Variants in COL4A3 observed in about 807,000 individuals in gnomAD.
COL4A3 encodes collagen type IV alpha 3 chain.
A neutral mutation model predicts 217.4 loss-of-function variants in COL4A3; 135 were observed. The ratio of observed to expected loss-of-function variants is 0.62; its 90% CI spans 0.54 to 0.72. The LOEUF (loss-of-function observed/expected upper bound fraction) is 0.72, where lower values mean the gene tolerates loss of function less well. Ranked by LOEUF, COL4A3 falls within the 30% of genes least tolerant of loss-of-function variation. The pLI is 0.00. For synonymous variants in COL4A3, 690 were observed against 736.3 expected, an observed-to-expected ratio of 0.94 and a Z score of 1.02; for missense variants, 1,868 against 2,119.9, an observed-to-expected ratio of 0.88 and a Z score of 2.33.
chr2:227,276,338 C>G (rs761302761), intron 26 of COL4A3, 47 bp from the exon 27 acceptor site: 1 of 1,353,278 alleles, frequency 7.4e-7, no homozygotes, highest in Non-Finnish European at 1.1e-6. Context: ...TCGTCTAAGA[C>G]AAGCTTCAAT....
intron 9 of COL4A3, among the ~76,000 whole-genome samples, chr2:227,249,220 A>ATTTT (rs1559864975): frequency 4.0e-5 from 1 of 24,808 alleles, no homozygotes; most frequent in Non-Finnish European, 9.5e-5. Flanking sequence ...TAGTATATAT[A>ATTTT]TATATATATA....
At chr2:227,263,623 A>G (rs978254699) in intron 20 of COL4A3, among the ~76,000 whole-genome samples, 157 bp from the exon 21 acceptor site, 1 of 152,252 alleles carries the variant, frequency 6.6e-6, no homozygotes, top group Non-Finnish European at 1.5e-5. Context: ...CACAGATGAA[A>G]AAAGCAAGGA....
At chr2:227,219,972 T>G (rs1384468933) in intron 1 of COL4A3, among the ~76,000 whole-genome samples, 1 of 152,084 alleles carries the variant, frequency 6.6e-6, no homozygotes, top group African/African-American at 2.4e-5. Flanking sequence ...AAGTCCAAAT[T>G]CTGCCCCAAG....
At chr2:227,247,537 C>T (rs2069424310) in intron 7 of COL4A3, 21 bp from the exon 8 acceptor site, 1 of 1,613,554 alleles carries the variant, frequency 6.2e-7, no homozygotes, top group Non-Finnish European at 8.5e-7. Context: ...TCTAGTTGTT[C>T]ATAGGTTGCT....
At chr2:227,266,549 T>C in intron 22 of COL4A3, 40 bp downstream of exon 22, 1 of 1,453,768 alleles carries the variant, frequency 6.9e-7, no homozygotes, top group Non-Finnish European at 9.6e-7. Context: ...ATAAGCCTTT[T>C]TCATCGTCAT....
At chr2:227,257,752 A>C (rs113134103) in intron 18 of COL4A3, 108 bp downstream of exon 18, 1 of 1,017,862 alleles carries the variant, frequency 9.8e-7, no homozygotes. Flanking sequence ...AGAGATTATA[A>C]CATTTACCTT....
chr2:227,279,949 T>C (rs1322634742), intron 29 of COL4A3, 59 bp downstream of exon 29: 3 of 1,068,400 alleles, frequency 2.8e-6, no homozygotes, highest in East Asian at 2.5e-5. Flanking sequence ...ACTGGCCAGT[T>C]TGTATGCACT....
intron 1 of COL4A3, among the ~76,000 whole-genome samples, chr2:227,226,759 C>T (rs111964063): frequency 0.12 from 18,729 of 152,144 alleles, 1,289 homozygotes; most frequent in East Asian, 0.29. Flanking sequence ...CATGAGCCAC[C>T]GCACCTGGCC....
In COL4A3 at chr2:227,282,195, C is replaced by CA. The variant is rs2072010751; in HGVS notation, c.2489-169dup. On this transcript the variant is annotated intron_variant, in intron 31 of 51. Coordinates refer to ENST00000396578, the MANE Select transcript of COL4A3 (RefSeq NM_000091.5). The surrounding 1 kb of genome is among the most constrained non-coding windows in gnomAD (Gnocchi z 4.4). ...GCTGACGCAGGAGAATCACTTGAACCAGGGAGGCGGAGGGTACAGTGAGCC... is the reference window on the plus strand; with the variant it reads ...GCTGACGCAGGAGAATCACTTGAACCAAGGGAGGCGGAGGGTACAGTGAGCC... Among the ~76,000 whole-genome samples, 1 of 151,600 alleles carries CA rather than the reference C, an allele frequency of 6.6e-6. No individual in the cohort carries two copies. The highest frequency in any genetic ancestry group is 6.6e-5 in the Admixed American group (1 of 15,218).
Position 227,238,042 on chromosome 2 carries a change from T to C in COL4A3, c.144+18T>C, listed in dbSNP as rs181040690. On this transcript the variant is annotated intron_variant, in intron 2 of 51. Coordinates refer to ENST00000396578, the MANE Select transcript of COL4A3 (RefSeq NM_000091.5). ...GGGAGAAGGTAAAAACAAACCCTAA[T>C]ACTGCTTGTTTACACTGTAAAGCTC... 3.3e-6 allele frequency: 5 copies of C among 1,523,630 alleles called. No individual in the cohort carries two copies. The highest frequency in any genetic ancestry group is 4.6e-6 in the Non-Finnish European group (5 of 1,097,434). The allele number at this position is 1,523,630 out of a possible 1,614,324, so 94.4% of individuals were successfully genotyped here. A position where few individuals can be genotyped will look rare whatever the true frequency, so the allele number is the denominator to read the frequency against.
chr2:227,219,775 T>G (rs1476616164), intron 1 of COL4A3, among the ~76,000 whole-genome samples: 1 of 152,242 alleles, frequency 6.6e-6, no homozygotes, highest in Admixed American at 6.5e-5. Flanking sequence ...ATATTTTATA[T>G]AGTTAAATAA....
chr2:227,309,362 T>G, intron 50 of COL4A3, 44 bp downstream of exon 50: 1 of 1,436,632 alleles, frequency 7.0e-7, no homozygotes, highest in Non-Finnish European at 9.7e-7. Flanking sequence ...AGACTACCTG[T>G]AGAATGTTAC....
intron 25 of COL4A3, among the ~76,000 whole-genome samples, chr2:227,271,962 T>A (rs1049508005): frequency 1.2e-4 from 19 of 152,208 alleles, no homozygotes; most frequent in African/African-American, 3.9e-4. Context: ...GTAAACAAAT[T>A]TAAAGATTCA....
intron 1 of COL4A3, among the ~76,000 whole-genome samples, chr2:227,195,259 G>T (rs187096807): frequency 7.0e-6 from 1 of 142,460 alleles, no homozygotes; most frequent in Non-Finnish European, 1.5e-5. Context: ...CCCAAATCAC[G>T]TAAAATCCCA....
intron 1 of COL4A3, among the ~76,000 whole-genome samples, chr2:227,232,444 CCA>C (rs1272924371): frequency 3.3e-5 from 5 of 152,210 alleles, no homozygotes; most frequent in Non-Finnish European, 4.4e-5. Flanking sequence ...TGAGGAACCT[CCA>C]CACAGTTCTC....
Position 227,280,989 on chromosome 2 carries a change from G to T in COL4A3, c.2471G>T (p.Gly824Val). The change falls in exon 31 of 52, where the codon GGA (glycine) becomes GTA (valine). Residue 824 changes from glycine (G) to valine (V), a missense_variant. Coordinates refer to ENST00000396578, the MANE Select transcript of COL4A3 (RefSeq NM_000091.5). ...GCCCAAGGACTTCCAGGCTTAAATG[G>T]ATTGAAAGGGCAACAAGGTAGGAGG... ...RGAQGLPGLN[G>V]LKGQQGRRGK... The T allele has an allele frequency of 1.3e-6, 2 of 1,562,132 alleles. No individual in the cohort carries two copies. Among genetic ancestry groups the T allele is most frequent in the Non-Finnish European group, 1.7e-6 (2 of 1,152,496 alleles).
At chr2:227,249,212 GTATATA>G (rs1553751598) in intron 9 of COL4A3, among the ~76,000 whole-genome samples, 1 of 33,232 alleles carries the variant, frequency 3.0e-5, no homozygotes, top group Non-Finnish European at 5.9e-5. Flanking sequence ...AAATTAGCTA[GTATATA>G]TATATATATA....
chr2:227,250,649 G>A lies in COL4A3; in HGVS notation c.547-491G>A, dbSNP rs2069686423. 6.6e-6 allele frequency among the ~76,000 whole-genome samples: 1 copy of A among 152,188 alleles called. No homozygotes were observed. Among genetic ancestry groups the A allele is most frequent in the South Asian group, 2.1e-4 (1 of 4,828 alleles). ...AAAATAATGCACGAAAGCAGGATAGGAAGTGTCTGGGTTGGAAGGTGGGTT... is the reference window on the plus strand; with the variant it reads ...AAAATAATGCACGAAAGCAGGATAGAAAGTGTCTGGGTTGGAAGGTGGGTT... On this transcript the variant is annotated intron_variant, in intron 9 of 51. Transcript: ENST00000396578. The surrounding 1 kb of genome is among the most constrained non-coding windows in gnomAD (Gnocchi z 4.1).
chr2:227,229,910 G>A (rs567200434), intron 1 of COL4A3, among the ~76,000 whole-genome samples: 1 of 152,160 alleles, frequency 6.6e-6, no homozygotes, highest in East Asian at 1.9e-4. Context: ...AATTAGCTGG[G>A]CGTGGTGGTG....
Sources: allele counts gnomAD v4.1 joint callset (sites outside exome capture counted in the v4.1 genomes callset), GRCh38; gene constraint gnomAD v4.1.1; non-coding constraint Gnocchi (gnomAD v3.1); transcripts MANE v1.5; gene names NCBI Gene and HGNC (gene_info 2026-07-23, HGNC 2026-07-21).